The following AFTPH variants were observed in gnomAD, a reference collection of about 807,000 sequenced individuals.
AFTPH encodes aftiphilin.
In AFTPH, 7 loss-of-function variants were observed where a neutral mutation model predicts 72.5. The observed-to-expected ratio is 0.10, with a 90% CI of 0.05 to 0.18. AFTPH has a LOEUF of 0.18. Among genes scored for constraint, AFTPH ranks in the 10% least tolerant of loss-of-function variants. The pLI is 1.00. For missense variants in AFTPH, 979 were observed against 1,060.5 expected, an observed-to-expected ratio of 0.92 and a Z score of 1.07; for synonymous variants, 337 against 370.1, an observed-to-expected ratio of 0.91 and a Z score of 1.03.
At chr2:64,580,940 A>C (rs770260508) in intron 7 of AFTPH, 3 of 260,640 alleles carry the variant, frequency 1.2e-5, no homozygotes, top group Admixed American at 1.1e-4. Context: ...AAACCTTACT[A>C]AGTGTTACAT....
chr2:64,560,101 T>C (rs1163259070), intron 2 of AFTPH, among the ~76,000 whole-genome samples: 1 of 152,178 alleles, frequency 6.6e-6, no homozygotes, highest in African/African-American at 2.4e-5. Context: ...TACATCCATA[T>C]ATAGCTTTCA....
intron 8 of AFTPH, 70 bp from the exon 10 acceptor site, chr2:64,591,818 T>C (rs1324685957): frequency 6.5e-7 from 1 of 1,534,650 alleles, no homozygotes; most frequent in Non-Finnish European, 9.0e-7. Flanking sequence ...ACCTTGAGAG[T>C]GGATTGTCTC....
chr2:64,580,383 G>C (rs1433969914), intron 7 of AFTPH: 1 of 152,620 alleles, frequency 6.6e-6, no homozygotes, highest in Non-Finnish European at 1.5e-5. Flanking sequence ...AGGATATCTG[G>C]AAAGCATCCA....
At chr2:64,548,140 T>A (rs886933817) in intron 1 of AFTPH, among the ~76,000 whole-genome samples, 4 of 142,976 alleles carry the variant, frequency 2.8e-5, no homozygotes, top group Admixed American at 6.9e-5. Context: ...ACGCCTGTAA[T>A]CCCAGCACTT....
At chr2:64,526,226 C>T (rs1287082305) in intron 1 of AFTPH, among the ~76,000 whole-genome samples, 1 of 152,204 alleles carries the variant, frequency 6.6e-6, no homozygotes, top group African/African-American at 2.4e-5. Context: ...TGAATCATAT[C>T]ATAAAACATC....
intron 4 of AFTPH, 141 bp downstream of exon 4, chr2:64,569,359 G>T (rs953747741): frequency 1.7e-6 from 2 of 1,194,186 alleles, no homozygotes; most frequent in African/African-American, 1.6e-5. Flanking sequence ...TATTGAATGT[G>T]CTGACTTTTA....
At chr2:64,536,566 TAAAA>T (rs142981388) in intron 1 of AFTPH, among the ~76,000 whole-genome samples, 5,664 of 107,450 alleles carry the variant, frequency 0.053, 286 homozygotes, top group African/African-American at 0.13. Context: ...GACTCCATCT[TAAAA>T]AAAAAAAAAA....
chr2:64,590,420 G>C (rs548773065), intron 8 of AFTPH, among the ~76,000 whole-genome samples: 2 of 152,142 alleles, frequency 1.3e-5, no homozygotes. Flanking sequence ...CACATCAGAA[G>C]ATCCATACAT....
At chr2:64,553,528 G>A (rs1671176145) in intron 2 of AFTPH, 119 bp downstream of exon 2, 18 of 1,074,590 alleles carry the variant, frequency 1.7e-5, no homozygotes, top group Non-Finnish European at 2.3e-5. Flanking sequence ...TCGTTATGAT[G>A]TATAATGCCT....
chr2:64,562,339 T>A (rs899531362), intron 2 of AFTPH, among the ~76,000 whole-genome samples: 1 of 135,660 alleles, frequency 7.4e-6, no homozygotes. Context: ...GGCGAAGTGC[T>A]TTTTTTTTTT....
intron 1 of AFTPH, among the ~76,000 whole-genome samples, chr2:64,539,705 G>C (rs1234900304): frequency 1.3e-5 from 2 of 152,134 alleles, no homozygotes; most frequent in African/African-American, 4.8e-5. Flanking sequence ...GGATGCAATG[G>C]TAAACAACAG....
At chr2:64,534,079 T>C (rs971799181) in intron 1 of AFTPH, among the ~76,000 whole-genome samples, 31 of 152,084 alleles carry the variant, frequency 2.0e-4, no homozygotes, top group African/African-American at 7.3e-4. Context: ...GTGAGGTTTT[T>C]GGTGTTTTCT....
At chr2:64,552,064 C>T in exon 2 of AFTPH, 2 of 1,613,972 alleles carry the variant, frequency 1.2e-6, no homozygotes, top group South Asian at 1.1e-5. Flanking sequence ...CCTCAGGGAA[C>T]AGATGATCTG....
At chr2:64,551,220 C>CT (rs576949624) in intron 1 of AFTPH, among the ~76,000 whole-genome samples, 27 of 147,670 alleles carry the variant, frequency 1.8e-4, no homozygotes, top group East Asian at 5.9e-4. Flanking sequence ...TCTAAGAGAA[C>CT]TTTTTTTTTT....
At chr2:64,556,384 C>G (rs1356221555) in intron 2 of AFTPH, among the ~76,000 whole-genome samples, 1 of 152,150 alleles carries the variant, frequency 6.6e-6, no homozygotes, top group Admixed American at 6.5e-5. Context: ...CACAAGTGTC[C>G]TGAACAAAAT....
intron 1 of AFTPH, among the ~76,000 whole-genome samples, chr2:64,542,048 T>G (rs1298230161): frequency 6.6e-6 from 1 of 152,182 alleles, no homozygotes; most frequent in African/African-American, 2.4e-5. Context: ...TGAAGCTGGG[T>G]TGTATAATCT....
At chr2:64,526,876 A>AC (rs1669302961) in intron 1 of AFTPH, among the ~76,000 whole-genome samples, 1 of 152,234 alleles carries the variant, frequency 6.6e-6, no homozygotes, top group Non-Finnish European at 1.5e-5. Flanking sequence ...AGTAAGTAGT[A>AC]GTATCCCTCA....
chr2:64,585,836 G>T, intron 8 of AFTPH, among the ~76,000 whole-genome samples: 1 of 134,762 alleles, frequency 7.4e-6, no homozygotes, highest in African/African-American at 2.9e-5. Context: ...TAAGTATTGT[G>T]ATCATAAAGC....
At chr2:64,567,619 G>C (rs772573268) in exon 3 of AFTPH, 3 of 1,613,562 alleles carry the variant, frequency 1.9e-6, no homozygotes, top group Non-Finnish European at 1.7e-6. Flanking sequence ...TTCCATACTT[G>C]TCCCTGATGC....
Sources: allele counts gnomAD v4.1 joint callset (sites outside exome capture counted in the v4.1 genomes callset), GRCh38; gene constraint gnomAD v4.1.1; transcripts MANE v1.5; gene names NCBI Gene and HGNC (gene_info 2026-07-23, HGNC 2026-07-21).